The following NMRK1 variants were observed in gnomAD, a reference collection of about 807,000 sequenced individuals.
NMRK1 encodes nicotinamide riboside kinase 1.
A neutral mutation model predicts 29.9 loss-of-function variants in NMRK1; 28 were observed. That is an observed-to-expected ratio of 0.94 (90% CI 0.69 to 1.28). NMRK1 has a LOEUF of 1.28. NMRK1 is among the 50% of genes most tolerant of loss of function. The pLI is 0.00. For synonymous variants in NMRK1, 58 were observed against 73.0 expected (o/e 0.79, Z 1.05); for missense variants, 218 against 233.1 (o/e 0.94, Z 0.42).
At chr9:75,083,009 C>G (rs1824405143) in intron 2 of NMRK1, 78 bp downstream of exon 2, 3 of 1,033,372 alleles carry the variant, frequency 2.9e-6, no homozygotes, top group Admixed American at 1.7e-5. Flanking sequence ...GCTTCTCCGT[C>G]CCCCACTCCA....
In NMRK1 at chr9:75,077,598, GA is replaced by G; in HGVS notation, c.30-19del. 1 of 1,576,750 alleles carries G rather than the reference GA, an allele frequency of 6.3e-7. No homozygotes were observed. Among genetic ancestry groups the G allele is most frequent in the Non-Finnish European group, 8.7e-7 (1 of 1,150,384 alleles). On this transcript the variant is annotated intron_variant, in intron 2 of 8. Coordinates refer to ENST00000361092, the MANE Select transcript of NMRK1 (RefSeq NM_017881.3). ...TTGTCACACTGAAGCAAAGAAAAAA[GA>G]AAGTACCAAGAAGGAAAATGCATTA...
intron 2 of NMRK1, among the ~76,000 whole-genome samples, chr9:75,080,708 A>G (rs535003771): frequency 6.6e-6 from 1 of 152,272 alleles, no homozygotes; most frequent in East Asian, 1.9e-4. Flanking sequence ...TTGGCTCATG[A>G]GGGCAGATCG....
chr9:75,077,050 T>A, intron 4 of NMRK1, 109 bp downstream of exon 4: 1 of 677,550 alleles, frequency 1.5e-6, no homozygotes, highest in Non-Finnish European at 2.6e-6. Flanking sequence ...AAGTTCTTTT[T>A]TTAAATTTTT....
At position 75,073,028 on chromosome 9, in the gene NMRK1, G is replaced by C. The variant is rs139177189; in HGVS notation, c.170-2986C>G. ...GTTGAATGCGTCCCCCTATGTTAAA[G>C]TCCTAATGCCCAGTTCTCCAGAATG... On this transcript the variant is annotated intron_variant, in intron 4 of 8. Transcript: ENST00000361092. Among the ~76,000 whole-genome samples, 471 of 152,272 alleles carry C rather than the reference G, an allele frequency of 3.1e-3. 2 individuals are homozygous for C. The highest frequency in any genetic ancestry group is 5.0e-3 in the Non-Finnish European group (339 of 68,026).
intron 3 of NMRK1, 66 bp from the exon 4 acceptor site, chr9:75,077,273 A>C: frequency 9.0e-7 from 1 of 1,115,678 alleles, no homozygotes; most frequent in African/African-American, 1.6e-5. Context: ...TTATAGACTA[A>C]AAAGGAGAGA....
chr9:75,065,389 G>T (rs373052826), intron 8 of NMRK1, among the ~76,000 whole-genome samples: 2 of 151,960 alleles, frequency 1.3e-5, no homozygotes, highest in East Asian at 1.9e-4. Context: ...AGGATGGTCT[G>T]GATCTCCTGA....
chr9:75,082,773 T>G, intron 2 of NMRK1: 1 of 364,664 alleles, frequency 2.7e-6, no homozygotes, highest in Non-Finnish European at 5.0e-6. Context: ...AGGAGAATGA[T>G]ATGGGGAATG....
chr9:75,066,270 C>T (rs759815927), intron 8 of NMRK1: 14 of 518,688 alleles, frequency 2.7e-5, no homozygotes, highest in South Asian at 2.0e-4. Flanking sequence ...ATCCCTGTCA[C>T]TTGCAAACAG....
intron 7 of NMRK1, 48 bp downstream of exon 7, chr9:75,068,948 G>A: frequency 7.8e-7 from 1 of 1,279,700 alleles, no homozygotes; most frequent in Non-Finnish European, 1.1e-6. Context: ...ATACTTTGAG[G>A]CAAATGACAA....
At chr9:75,082,897 T>C in intron 2 of NMRK1, 190 bp downstream of exon 2, 1 of 576,016 alleles carries the variant, frequency 1.7e-6, no homozygotes, top group South Asian at 2.2e-5. Context: ...TGTTTCTCTG[T>C]TTATAGAAAA....
chr9:75,068,919 T>C lies in NMRK1; in HGVS notation c.496+77A>G. On this transcript the variant is annotated intron_variant, in intron 7 of 8. Coordinates refer to ENST00000361092, the MANE Select transcript of NMRK1 (RefSeq NM_017881.3). ...GCTTAAGCATCCCTTTATACTTTTC[T>C]ATGAGTCCTTTCTTTTCTATACTTT... 4.2e-6 allele frequency: 4 copies of C among 957,732 alleles called. No individual in the cohort carries two copies. The East Asian group carries it at 9.6e-5, about 23-fold the overall frequency. The allele number at this position is 957,732 out of a possible 1,614,324, so 59.3% of individuals were successfully genotyped here.
chr9:75,074,975 C>T (rs1823908728), intron 4 of NMRK1, among the ~76,000 whole-genome samples: 1 of 152,152 alleles, frequency 6.6e-6, no homozygotes, highest in Non-Finnish European at 1.5e-5. Context: ...AAAGACTGTA[C>T]CAATTTATCT....
At chr9:75,082,920 T>C in intron 2 of NMRK1, 167 bp downstream of exon 2, 1 of 604,120 alleles carries the variant, frequency 1.7e-6, no homozygotes, top group South Asian at 2.1e-5. Flanking sequence ...CTTCCATCTC[T>C]TGTTGGCATT....
intron 8 of NMRK1, among the ~76,000 whole-genome samples, chr9:75,061,786 A>G (rs1318078403): frequency 1.3e-5 from 2 of 152,226 alleles, no homozygotes; most frequent in Non-Finnish European, 2.9e-5. Context: ...TAGATATCCA[A>G]TATCACTTGT....
At chr9:75,085,732 T>TTG (rs1415343845) in intron 1 of NMRK1, among the ~76,000 whole-genome samples, 2 of 130,880 alleles carry the variant, frequency 1.5e-5, no homozygotes, top group African/African-American at 5.2e-5. Context: ...GTAAGTTTTT[T>TTG]TTTTTTTTTT....
chr9:75,077,102 G>T, intron 4 of NMRK1, 57 bp downstream of exon 4: 1 of 1,072,534 alleles, frequency 9.3e-7, no homozygotes, highest in South Asian at 1.4e-5. Flanking sequence ...AAGTTCTTTG[G>T]GTTTGAAAAA....
chr9:75,077,349 G>T (rs1824054429), intron 3 of NMRK1, 141 bp downstream of exon 3: 1 of 835,828 alleles, frequency 1.2e-6, no homozygotes. Context: ...CCATCTAGTG[G>T]ATAAGTAACA....
intron 4 of NMRK1, among the ~76,000 whole-genome samples, chr9:75,076,427 G>C (rs1823990650): frequency 6.6e-6 from 1 of 152,062 alleles, no homozygotes; most frequent in African/African-American, 2.4e-5. Flanking sequence ...GACCCGGAAG[G>C]GGAGGCAGGT....
chr9:75,080,658 T>C (rs915408762), intron 2 of NMRK1, among the ~76,000 whole-genome samples: 2 of 152,122 alleles, frequency 1.3e-5, no homozygotes, highest in Admixed American at 1.3e-4. Flanking sequence ...AAAAAAGAAA[T>C]GTGATCCCCA....
Sources: gnomAD v4.1 joint callset for allele counts (sites outside exome capture counted in the v4.1 genomes callset) on GRCh38, gnomAD v4.1.1 for gene constraint, MANE v1.5 for transcripts, NCBI Gene and HGNC (gene_info 2026-07-23, HGNC 2026-07-21) for gene names.